Variants in DYNC2I1 observed in about 807,000 individuals in gnomAD.
DYNC2I1 encodes cytoplasmic dynein 2 intermediate chain 1.
Under a neutral mutation model 133.4 loss-of-function variants are expected in DYNC2I1, and 89 were observed. That is an observed-to-expected ratio of 0.67 (90% confidence interval 0.56 to 0.80). The LOEUF (loss-of-function observed/expected upper bound fraction) is 0.80. Ranked by LOEUF, DYNC2I1 falls within the 30% of genes least tolerant of loss-of-function variation. The pLI is 0.00. For synonymous variants in DYNC2I1, 504 were observed against 484.3 expected (o/e 1.04, Z -0.54); for missense variants, 1,291 against 1,314.5 (o/e 0.98, Z 0.28).
At chr7:158,926,934 T>C in intron 19 of DYNC2I1, 58 bp from the exon 20 acceptor site, 1 of 1,292,450 alleles carries the variant, frequency 7.7e-7, no homozygotes, top group South Asian at 1.3e-5. Flanking sequence ...ATGCTTTGCT[T>C]AGGTTGTTTC....
intron 1 of DYNC2I1, among the ~76,000 whole-genome samples, chr7:158,861,374 G>C (rs998515273): frequency 2.6e-5 from 4 of 152,096 alleles, no homozygotes; most frequent in Admixed American, 6.6e-5. Context: ...TTTTTCACTT[G>C]AGCTCCCCTA....
the DYNC2I1 span, among the ~76,000 whole-genome samples, chr7:158,839,636 G>A: frequency 1.3e-5 from 2 of 152,030 alleles, no homozygotes; most frequent in African/African-American, 2.4e-5. Context: ...TGGCTGACAC[G>A]GTGAAACCCC....
chr7:158,915,413 T>G (rs1848008420), intron 14 of DYNC2I1, among the ~76,000 whole-genome samples: 5 of 126,364 alleles, frequency 4.0e-5, no homozygotes, highest in African/African-American at 1.1e-4. Context: ...TAAGGATGAT[T>G]GTGAAACGTC....
rs1846352438 is a variant in DYNC2I1 at position 158,902,512 on chromosome 7, C to T, written c.1274C>T (p.Ala425Val). Residue 425 changes from alanine to valine, a missense_variant, in exon 10 of 25, where the codon GCA (alanine) becomes GTA (valine). Transcript: ENST00000407559. ...EIQEIQRAIN[A>V]ENERIGELSL... ...CAAGAAATTCAAAGAGCTATTAATG[C>T]AGAAAATGAAAGGATTGGCGAGTTA... is the stretch of plus-strand genomic sequence containing the variant. 3 of 1,613,980 alleles carry T rather than the reference C, an allele frequency of 1.9e-6. No individual in the cohort carries two copies. The highest frequency in any genetic ancestry group is 2.5e-6 in the Non-Finnish European group (3 of 1,179,884).
intron 10 of DYNC2I1, 110 bp downstream of exon 10, chr7:158,902,705 T>A: frequency 1.0e-6 from 1 of 983,602 alleles, no homozygotes; most frequent in Non-Finnish European, 1.5e-6. Flanking sequence ...GGTGGAGCAG[T>A]AACATCTTCC....
At chr7:158,949,415 A>G (rs1851985061), downstream of DYNC2I1, among the ~76,000 whole-genome samples, 1 of 152,158 alleles carries the variant, frequency 6.6e-6, no homozygotes, top group Non-Finnish European at 1.5e-5. Flanking sequence ...GACAGTCCCC[A>G]CTCACTCCAG....
At chr7:158,889,237 C>T (rs1284860456) in intron 7 of DYNC2I1, among the ~76,000 whole-genome samples, 4 of 152,240 alleles carry the variant, frequency 2.6e-5, no homozygotes, top group South Asian at 4.1e-4. Flanking sequence ...CCTGTCACCA[C>T]ACCTGGCTAA....
chr7:158,903,136 C>T (rs1175487756), intron 10 of DYNC2I1: 1 of 152,962 alleles, frequency 6.5e-6, no homozygotes, highest in African/African-American at 2.4e-5. Flanking sequence ...CACGTGGGGA[C>T]TGAGGGGTTG....
In DYNC2I1 at chr7:158,919,945, C is replaced by T. The variant is rs531333830; in HGVS notation, c.1921+1076C>T. ...ATGAGAGCGGCAGTGGTGCCATGGCCTCCGTCGGAGAACACGTGAAGTGTG... is the reference window on the plus strand; with the variant it reads ...ATGAGAGCGGCAGTGGTGCCATGGCTTCCGTCGGAGAACACGTGAAGTGTG... On this transcript the variant is annotated intron_variant, in intron 15 of 24. Transcript: ENST00000407559. Among the ~76,000 whole-genome samples, 35 of 152,216 alleles carry T rather than the reference C, an allele frequency of 2.3e-4. 1 individual carries two copies. In the South Asian group the frequency reaches 7.0e-3, roughly 31 times the overall value.
At chr7:158,900,196 G>A (rs369408407) in intron 8 of DYNC2I1, among the ~76,000 whole-genome samples, 2 of 150,052 alleles carry the variant, frequency 1.3e-5, no homozygotes, top group African/African-American at 2.5e-5. Flanking sequence ...ATCTCAGCTC[G>A]CTGCAACCTC....
downstream of DYNC2I1, among the ~76,000 whole-genome samples, chr7:158,957,067 C>CGCTGCT (rs376356463): frequency 6.6e-6 from 1 of 152,218 alleles, no homozygotes; most frequent in African/African-American, 2.4e-5. Flanking sequence ...TGATCTATTT[C>CGCTGCT]GCTGCTGCTG....
At position 158,945,534 on chromosome 7, in the gene DYNC2I1, G is replaced by A. The variant is rs555209019; in HGVS notation, c.3003-47G>A. On this transcript the variant is annotated intron_variant, in intron 24 of 24. Transcript: ENST00000407559. The surrounding 1 kb of genome is among the most constrained non-coding windows in gnomAD (Gnocchi z 4.1). ...TTTGAAGACTCAGACAGAACCGAATGTCCCTTTGTGTGCACTGACCCTCTG... is the reference window on the plus strand; with the variant it reads ...TTTGAAGACTCAGACAGAACCGAATATCCCTTTGTGTGCACTGACCCTCTG... 2.6e-6 allele frequency: 4 copies of A among 1,545,952 alleles called. No individual in the cohort carries two copies. In the African/African-American group the frequency reaches 5.5e-5, roughly 21 times the overall value.
rs886442187 is a variant in DYNC2I1, at chr7:158,945,414, T to C, written c.3003-167T>C. On this transcript the variant is annotated intron_variant, in intron 24 of 24. Coordinates refer to ENST00000407559, the MANE Select transcript of DYNC2I1 (RefSeq NM_018051.5). The surrounding 1 kb of genome is among the most constrained non-coding windows in gnomAD (Gnocchi z 4.1). The stretch of plus-strand genomic sequence containing the variant: ...CAGGCCTCTGACATGCGGAAATGCA[T>C]TTTCACACATTTATTTCTGGTCTAG... 1.6e-4 allele frequency among the ~76,000 whole-genome samples: 25 copies of C among 152,242 alleles called. No individual in the cohort carries two copies. The highest frequency in any genetic ancestry group is 2.9e-5 in the Non-Finnish European group (2 of 68,042).
intron 3 of DYNC2I1, among the ~76,000 whole-genome samples, chr7:158,874,933 G>A (rs1335508379): frequency 6.6e-6 from 1 of 152,016 alleles, no homozygotes; most frequent in Non-Finnish European, 1.5e-5. Flanking sequence ...GCATCCTCGC[G>A]TCCTGAGGTC....
chr7:158,932,861 A>C (rs1385685220), intron 21 of DYNC2I1, among the ~76,000 whole-genome samples: 1 of 152,192 alleles, frequency 6.6e-6, no homozygotes, highest in African/African-American at 2.4e-5. Flanking sequence ...GAGCAGTGGG[A>C]GGGAGGAGCC....
intron 8 of DYNC2I1, among the ~76,000 whole-genome samples, chr7:158,897,098 C>T (rs901758925): frequency 4.7e-4 from 72 of 151,724 alleles, no homozygotes; most frequent in African/African-American, 1.7e-3. Context: ...GTTCTCCTGC[C>T]TCAGCCTCCC....
At position 158,879,790 on chromosome 7, in the gene DYNC2I1, A is replaced by G. The variant is rs562885560; in HGVS notation, c.680A>G (p.His227Arg). 1.4e-5 allele frequency: 22 copies of G among 1,612,910 alleles called. No individual in the cohort carries two copies. The highest frequency in any genetic ancestry group is 5.5e-5 in the South Asian group (5 of 90,900). Residue 227 changes from histidine (H) to arginine (R), a missense_variant, in exon 5 of 25, where the codon CAC (histidine) becomes CGC (arginine). Transcript: ENST00000407559. ...AGAGAGCCAGATCGAGACAACAAAC[A>G]CCGAGAAAAAAGCAGCACAAGGGAA... Reference protein sequence around the residue: ...KPREPDRDNKHREKSSTREKR... With the variant: ...KPREPDRDNKRREKSSTREKR...
chr7:158,867,582 A>G (rs1318599052), intron 1 of DYNC2I1, among the ~76,000 whole-genome samples: 5 of 152,080 alleles, frequency 3.3e-5, no homozygotes, highest in African/African-American at 4.8e-5. Context: ...GGGAGTCCCA[A>G]CCTTGCCTTA....
intron 24 of DYNC2I1, among the ~76,000 whole-genome samples, chr7:158,944,322 A>G (rs1372110589): frequency 1.3e-5 from 2 of 152,004 alleles, no homozygotes; most frequent in Non-Finnish European, 2.9e-5. Context: ...AAGGATGTGT[A>G]AAAGAGCTGA....
Sources: gnomAD v4.1 joint callset for allele counts (sites outside exome capture counted in the v4.1 genomes callset) on GRCh38, gnomAD v4.1.1 for gene constraint, Gnocchi (gnomAD v3.1) non-coding constraint, MANE v1.5 for transcripts, NCBI Gene and HGNC (gene_info 2026-07-23, HGNC 2026-07-21) for gene names.